Variants in IFT140 observed in about 807,000 individuals in gnomAD.
IFT140 encodes the protein intraflagellar transport 140, also known as intraflagellar transport protein 140 homolog.
IFT140 carries 133 observed loss-of-function variants against 164.6 expected under a neutral mutation model. The ratio of observed to expected loss-of-function variants is 0.81; its 90% CI spans 0.70 to 0.93. The LOEUF (loss-of-function observed/expected upper bound fraction) is 0.93, where lower values mean the gene tolerates loss of function less well. IFT140 is among the 40% of genes least tolerant of loss of function. IFT140 has a pLI of 0.00. For missense variants in IFT140, 2,045 were observed against 1,972.3 expected, an observed-to-expected ratio of 1.04 and a Z score of -0.70; for synonymous variants, 860 against 817.3, an observed-to-expected ratio of 1.05 and a Z score of -0.89.
intron 18 of IFT140, among the ~76,000 whole-genome samples, chr16:1,559,695 G>C (rs1272564987): frequency 1.3e-5 from 2 of 152,254 alleles, no homozygotes; most frequent in Non-Finnish European, 2.9e-5. Context: ...GCTTTGCTAG[G>C]TGAGAGGCAT....
intron 18 of IFT140, among the ~76,000 whole-genome samples, chr16:1,560,140 C>A (rs1406871779): frequency 6.6e-6 from 1 of 152,186 alleles, no homozygotes; most frequent in African/African-American, 2.4e-5. Flanking sequence ...TTCGGAGGAA[C>A]GCCAATCTGG....
At chr16:1,513,875 G>A (rs551416387) in intron 30 of IFT140, among the ~76,000 whole-genome samples, 3,674 of 141,366 alleles carry the variant, frequency 0.026, 91 homozygotes, top group Admixed American at 0.032. Context: ...GGGTTTCACC[G>A]TGTTAGCCAA....
rs35404373 is a variant in IFT140 at position 1,587,996 on chromosome 16, C to T, written c.839G>A (p.Arg280Gln). 6,645 of 1,613,742 alleles carry T rather than the reference C, an allele frequency of 4.1e-3. 222 individuals are homozygous for T. The African/African-American group carries it at 0.071, about 17-fold the overall frequency. Residue 280 changes from arginine (R) to glutamine (Q), a missense_variant, in exon 8 of 31, where the codon CGG (arginine) becomes CAG (glutamine). Coordinates refer to ENST00000426508, the MANE Select transcript of IFT140 (RefSeq NM_014714.4). The stretch of plus-strand genomic sequence containing the variant: ...GCCTTCAATCAAAGCGATGTCTGCC[C>T]GGCGGCCGGTTTTCCCGCTCAGCTT... ...KVKLSGKTGR[R>Q]ADIALIEGSL...
intron 13 of IFT140, among the ~76,000 whole-genome samples, chr16:1,576,076 A>G (rs1043454325): frequency 1.3e-5 from 2 of 151,886 alleles, no homozygotes; most frequent in Non-Finnish European, 2.9e-5. Flanking sequence ...ACCTGAGGTC[A>G]GAAGTTTGAG....
chr16:1,557,414 C>G (rs2033159421), intron 19 of IFT140: 1 of 155,948 alleles, frequency 6.4e-6, no homozygotes, highest in Non-Finnish European at 1.4e-5. Flanking sequence ...CAACCTAAGG[C>G]CACACCCTCC....
chr16:1,599,665 C>G (rs2035677357), intron 4 of IFT140, among the ~76,000 whole-genome samples: 1 of 74,754 alleles, frequency 1.3e-5, no homozygotes, highest in Non-Finnish European at 2.5e-5. Flanking sequence ...GGGTCAGCCC[C>G]CCCGCCCGGC....
In IFT140 at chr16:1,566,403, C is replaced by A. The variant is rs574786509; in HGVS notation, c.1771-112G>T. On this transcript the variant is annotated intron_variant, in intron 15 of 30. Transcript: ENST00000426508. ...GTCAAGAGAAACACACCCAGTGTCACCAAGTCCACAGGCCACTCATCTTCC... is the reference window on the plus strand; with the variant it reads ...GTCAAGAGAAACACACCCAGTGTCAACAAGTCCACAGGCCACTCATCTTCC... 16 of 951,442 alleles carry A rather than the reference C, an allele frequency of 1.7e-5. No individual in the cohort carries two copies. The East Asian group carries it at 3.8e-4, about 22-fold the overall frequency. 58.9% of individuals were successfully genotyped at this position (951,442 alleles called of 1,614,324 possible). A position where few individuals can be genotyped will look rare whatever the true frequency, so the allele number is the denominator to read the frequency against.
At chr16:1,570,578 G>C (rs1386189149) in intron 14 of IFT140, among the ~76,000 whole-genome samples, 1 of 152,160 alleles carries the variant, frequency 6.6e-6, no homozygotes, top group Admixed American at 6.5e-5. Flanking sequence ...CTCCACTAGA[G>C]AGCCGAGCTC....
At chr16:1,525,406 G>C (rs1163016140) in intron 21 of IFT140, 80 bp from the exon 22 acceptor site, 12 of 1,061,144 alleles carry the variant, frequency 1.1e-5, no homozygotes, top group Non-Finnish European at 1.7e-5. Context: ...GGGCAGCGTC[G>C]GTGAAACGCA....
At chr16:1,567,564 A>C (rs2033786275) in intron 15 of IFT140, among the ~76,000 whole-genome samples, 1 of 152,180 alleles carries the variant, frequency 6.6e-6, no homozygotes, top group South Asian at 2.1e-4. Flanking sequence ...GCTCATCCAC[A>C]GGCAGTGGGC....
intron 17 of IFT140, among the ~76,000 whole-genome samples, chr16:1,563,300 T>C (rs1245488236): frequency 6.6e-6 from 1 of 151,406 alleles, no homozygotes; most frequent in Admixed American, 6.6e-5. Flanking sequence ...AGATAACTTT[T>C]TTTTTTTCTT....
intron 19 of IFT140, among the ~76,000 whole-genome samples, chr16:1,550,831 A>C (rs1052554740): frequency 2.6e-5 from 4 of 152,344 alleles, no homozygotes; most frequent in Admixed American, 6.5e-5. Flanking sequence ...AGGAAAGTCA[A>C]GAGCGCCCTA....
At chr16:1,525,114 G>A in intron 22 of IFT140, 117 bp downstream of exon 22, 1 of 1,163,242 alleles carries the variant, frequency 8.6e-7, no homozygotes, top group East Asian at 2.4e-5. Flanking sequence ...GGAGCCGGGA[G>A]GACGCTGCCC....
chr16:1,577,610 T>C (rs1450760489), intron 13 of IFT140: 4 of 152,204 alleles, frequency 2.6e-5, no homozygotes, highest in African/African-American at 9.6e-5. Flanking sequence ...GGCCGGCACT[T>C]TGGGAGGCTG....
chr16:1,512,542 C>T (rs181132939), intron 30 of IFT140, among the ~76,000 whole-genome samples: 42 of 152,202 alleles, frequency 2.8e-4, no homozygotes, highest in African/African-American at 7.2e-4. Context: ...AAGAAGTTGG[C>T]GAAATATTTA....
intron 10 of IFT140, 138 bp from the exon 11 acceptor site, chr16:1,584,558 T>C (rs1202819665): frequency 1.5e-6 from 1 of 664,302 alleles, no homozygotes; most frequent in Non-Finnish European, 2.6e-6. Context: ...AAAAATGATC[T>C]TATAAGACAT....
intron 26 of IFT140, among the ~76,000 whole-genome samples, chr16:1,521,132 A>G (rs1244961574): frequency 1.3e-5 from 2 of 152,188 alleles, no homozygotes; most frequent in Non-Finnish European, 2.9e-5. Context: ...TTAAAGTTAA[A>G]TTTTTGAGAC....
chr16:1,608,689 C>T (rs1035145368), intron 2 of IFT140, among the ~76,000 whole-genome samples: 3 of 150,300 alleles, frequency 2.0e-5, no homozygotes, highest in Non-Finnish European at 4.4e-5. Flanking sequence ...AGATCAAAAC[C>T]TGGGCAATTT....
chr16:1,585,885 C>T (rs928425787), intron 10 of IFT140, among the ~76,000 whole-genome samples: 7 of 151,700 alleles, frequency 4.6e-5, no homozygotes, highest in Non-Finnish European at 1.0e-4. Context: ...ATTCTCCTGC[C>T]GCAGCCTCCT....
Sources: gnomAD v4.1 joint callset for allele counts (sites outside exome capture counted in the v4.1 genomes callset) on GRCh38, gnomAD v4.1.1 for gene constraint, MANE v1.5 for transcripts, NCBI Gene and HGNC (gene_info 2026-07-23, HGNC 2026-07-21) for gene names.